WDPCP: variants seen among roughly 807,000 people sequenced by gnomAD.
WDPCP encodes WD repeat-containing and planar cell polarity effector protein fritz homolog.
In WDPCP, 71 loss-of-function variants were observed where a neutral mutation model predicts 93.1. The observed-to-expected ratio is 0.76, with a 90% CI of 0.63 to 0.93. The LOEUF (loss-of-function observed/expected upper bound fraction) is 0.93. Ranked by LOEUF, WDPCP falls within the 40% of genes least tolerant of loss-of-function variation. The probability of loss-of-function intolerance (pLI) is 0.00; values close to 1 mark genes in which losing one functional copy is unlikely to be tolerated. For missense variants in WDPCP, 844 were observed against 887.4 expected, an observed-to-expected ratio of 0.95 and a Z score of 0.62; for synonymous variants, 315 against 315.0, an observed-to-expected ratio of 1.00 and a Z score of 0.00.
rs541978566 is a variant in WDPCP at position 63,565,199 on chromosome 2, T to C, written c.75+22998A>G. Among the ~76,000 whole-genome samples the C allele has an allele frequency of 3.9e-5, 6 of 152,352 alleles. No homozygotes were observed. The South Asian group carries it at 1.2e-3, about 32-fold the overall frequency. On this transcript the variant is annotated intron_variant, in intron 1 of 17. Transcript: ENST00000272321. ...AGAATGATTATCAAATCCCAGATTA[T>C]TAGACTTAAAATTTTCAACCTTCAA... is the stretch of plus-strand genomic sequence containing the variant.
At chr2:63,533,894 A>C (rs553283894) in intron 1 of WDPCP, among the ~76,000 whole-genome samples, 2,093 of 144,166 alleles carry the variant, frequency 0.015, 47 homozygotes, top group African/African-American at 0.052. Flanking sequence ...ACACAAAAAA[A>C]CCCTACAAAA....
chr2:63,377,799 A>G (rs1439549585), intron 12 of WDPCP: 2 of 150,704 alleles, frequency 1.3e-5, no homozygotes, highest in African/African-American at 2.4e-5. Context: ...TCATGTATAT[A>G]TATATATATA....
intron 14 of WDPCP, among the ~76,000 whole-genome samples, chr2:63,225,733 C>G (rs899978236): frequency 2.6e-5 from 4 of 151,858 alleles, no homozygotes; most frequent in Non-Finnish European, 4.4e-5. Flanking sequence ...CCTCATCTAC[C>G]TCTGCCAACA....
At chr2:63,605,940 G>T in intron 3 of WDPCP, 1 of 1,613,004 alleles carries the variant, frequency 6.2e-7, no homozygotes, top group Non-Finnish European at 8.5e-7. Context: ...TATTTTCAGG[G>T]AGAGTTTGTG....
chr2:63,388,506 A>G (rs1284635598), intron 10 of WDPCP, among the ~76,000 whole-genome samples: 1 of 152,236 alleles, frequency 6.6e-6, no homozygotes, highest in Admixed American at 6.5e-5. Flanking sequence ...AAAGGATCGC[A>G]GCTCCTCGCC....
At chr2:63,698,885 C>G (rs1396702710) in intron 2 of WDPCP, among the ~76,000 whole-genome samples, 2 of 152,182 alleles carry the variant, frequency 1.3e-5, no homozygotes, top group Non-Finnish European at 1.5e-5. Flanking sequence ...AGACTACACC[C>G]TCTGACAGGA....
At chr2:63,526,904 C>T (rs1332420431) in intron 1 of WDPCP, among the ~76,000 whole-genome samples, 1 of 152,122 alleles carries the variant, frequency 6.6e-6, no homozygotes, top group Non-Finnish European at 1.5e-5. Flanking sequence ...TAAATTTGCT[C>T]TATAATATTC....
intron 1 of WDPCP, among the ~76,000 whole-genome samples, chr2:63,509,634 T>C (rs1702101397): frequency 6.6e-6 from 1 of 152,000 alleles, no homozygotes; most frequent in South Asian, 2.1e-4. Flanking sequence ...AATCAGTGAA[T>C]CCAGGAGCTG....
At chr2:63,588,133 G>C in intron 1 of WDPCP, 64 bp downstream of exon 1, 5 of 1,529,940 alleles carry the variant, frequency 3.3e-6, no homozygotes, top group Non-Finnish European at 4.4e-6. Context: ...GCGGGACGGC[G>C]CACCAACCGC....
intron 14 of WDPCP, among the ~76,000 whole-genome samples, chr2:63,226,941 A>G (rs1354303526): frequency 6.6e-6 from 1 of 151,958 alleles, no homozygotes; most frequent in Non-Finnish European, 1.5e-5. Context: ...TATGGAACTT[A>G]ACACATGATT....
chr2:63,404,878 TA>T (rs1323202780), intron 9 of WDPCP, among the ~76,000 whole-genome samples: 1 of 152,038 alleles, frequency 6.6e-6, no homozygotes, highest in Non-Finnish European at 1.5e-5. Flanking sequence ...CTTAAAAAAA[TA>T]AAAAATATAC....
intron 14 of WDPCP, chr2:63,228,778 C>T (rs1302344201): frequency 1.3e-5 from 2 of 152,116 alleles, no homozygotes; most frequent in Non-Finnish European, 2.9e-5. Context: ...TTTTTTATGG[C>T]TGCATAGTAT....
chr2:63,663,637 G>A (rs1247899385), intron 2 of WDPCP, among the ~76,000 whole-genome samples: 1 of 152,178 alleles, frequency 6.6e-6, no homozygotes, highest in Non-Finnish European at 1.5e-5. Context: ...ATTTATAAAA[G>A]TTGGTGACTG....
intron 2 of WDPCP, among the ~76,000 whole-genome samples, chr2:63,688,163 A>T (rs980837590): frequency 4.6e-5 from 7 of 152,168 alleles, no homozygotes; most frequent in African/African-American, 1.7e-4. Context: ...GCGGTGGCTC[A>T]CGCCTGTAAT....
chr2:63,266,693 C>G (rs1002792422), intron 13 of WDPCP, among the ~76,000 whole-genome samples: 1 of 152,132 alleles, frequency 6.6e-6, no homozygotes, highest in African/African-American at 2.4e-5. Context: ...GTAATCCCAG[C>G]TACTCAGGAG....
chr2:63,761,495 G>C (rs893533486), intron 2 of WDPCP, among the ~76,000 whole-genome samples: 2 of 151,968 alleles, frequency 1.3e-5, no homozygotes, highest in African/African-American at 4.8e-5. Flanking sequence ...ATATATATGA[G>C]AGTTTATTAA....
At chr2:63,264,876 G>A (rs774542542) in intron 13 of WDPCP, among the ~76,000 whole-genome samples, 1 of 152,162 alleles carries the variant, frequency 6.6e-6, no homozygotes, top group Non-Finnish European at 1.5e-5. Flanking sequence ...TATATTTTCT[G>A]ACCACGATGG....
intron 13 of WDPCP, among the ~76,000 whole-genome samples, chr2:63,298,940 G>A (rs1372791084): frequency 2.6e-5 from 4 of 152,180 alleles, no homozygotes; most frequent in Non-Finnish European, 5.9e-5. Flanking sequence ...CCAATGTCCT[G>A]TCTTTTTATG....
At chr2:63,818,943 CATATAA>C (rs1266216670) in intron 1 of WDPCP, among the ~76,000 whole-genome samples, 1 of 152,078 alleles carries the variant, frequency 6.6e-6, no homozygotes, top group East Asian at 1.9e-4. Flanking sequence ...AACAATAACA[CATATAA>C]ATATACATAA....
Sources: allele counts gnomAD v4.1 joint callset (sites outside exome capture counted in the v4.1 genomes callset), GRCh38; gene constraint gnomAD v4.1.1; transcripts MANE v1.5; gene names NCBI Gene and HGNC (gene_info 2026-07-23, HGNC 2026-07-21).